ADGRD1: variants seen among roughly 807,000 people sequenced by gnomAD.
ADGRD1 encodes the protein G-protein coupled receptor 133.
Under a neutral mutation model 113.4 loss-of-function variants are expected in ADGRD1, and 77 were observed. The observed-to-expected ratio is 0.68, with a 90% CI of 0.57 to 0.82. The LOEUF (loss-of-function observed/expected upper bound fraction) is 0.82, where lower values mean the gene tolerates loss of function less well. Among genes scored for constraint, ADGRD1 ranks in the 40% least tolerant of loss-of-function variants. The pLI is 0.00. For synonymous variants in ADGRD1, 474 were observed against 475.0 expected, an observed-to-expected ratio of 1.00 and a Z score of 0.03; for missense variants, 1,036 against 1,139.1, an observed-to-expected ratio of 0.91 and a Z score of 1.30.
intron 20 of ADGRD1, among the ~76,000 whole-genome samples, chr12:131,125,910 A>G (rs1042088783): frequency 6.6e-6 from 1 of 152,218 alleles, no homozygotes; most frequent in Non-Finnish European, 1.5e-5. Flanking sequence ...ACTGGAAGTG[A>G]AAAACTAGTT....
At chr12:131,013,731 C>T (rs1878213061) in intron 12 of ADGRD1, among the ~76,000 whole-genome samples, 1 of 152,148 alleles carries the variant, frequency 6.6e-6, no homozygotes, top group Non-Finnish European at 1.5e-5. Context: ...CAGCAGATGG[C>T]CACTGCACCA....
At chr12:131,024,020 C>T (rs1053721090) in intron 13 of ADGRD1, 1 of 152,238 alleles carries the variant, frequency 6.6e-6, no homozygotes, top group African/African-American at 2.4e-5. Context: ...AAGATTCAAC[C>T]TGATGAGCTG....
intron 20 of ADGRD1, 23 bp downstream of exon 20, chr12:131,120,936 C>A: frequency 6.2e-7 from 1 of 1,609,240 alleles, no homozygotes; most frequent in Non-Finnish European, 8.5e-7. Context: ...CCCTTGTGGG[C>A]GCAGAGCGGG....
At chr12:131,132,185 T>C (rs890449408) in intron 21 of ADGRD1, among the ~76,000 whole-genome samples, 1 of 152,024 alleles carries the variant, frequency 6.6e-6, no homozygotes, top group Non-Finnish European at 1.5e-5. Flanking sequence ...GCTCAGCGAG[T>C]TTAGCCCCTC....
chr12:131,132,734 T>A (rs1362414970), intron 21 of ADGRD1, among the ~76,000 whole-genome samples: 1 of 152,114 alleles, frequency 6.6e-6, no homozygotes, highest in African/African-American at 2.4e-5. Flanking sequence ...TAGAGGGGGA[T>A]TCACTCATAT....
At chr12:131,046,775 T>G (rs1373223961) in intron 13 of ADGRD1, among the ~76,000 whole-genome samples, 1 of 130,744 alleles carries the variant, frequency 7.6e-6, no homozygotes. Flanking sequence ...GCTCCCTCCC[T>G]GGTCAGTGTC....
chr12:131,103,095 G>A (rs541789722), intron 15 of ADGRD1, among the ~76,000 whole-genome samples: 13 of 152,238 alleles, frequency 8.5e-5, no homozygotes, highest in East Asian at 1.9e-4. Context: ...CACAACGTCC[G>A]TGGAGAGGGA....
At chr12:131,091,709 A>G (rs1031119637) in intron 15 of ADGRD1, among the ~76,000 whole-genome samples, 2 of 147,094 alleles carry the variant, frequency 1.4e-5, no homozygotes, top group South Asian at 4.2e-4. Context: ...GGCCGGGGCG[A>G]GGAGGGGGCC....
chr12:131,032,339 G>C (rs1051558184), intron 13 of ADGRD1, among the ~76,000 whole-genome samples: 4 of 151,778 alleles, frequency 2.6e-5, no homozygotes, highest in African/African-American at 9.7e-5. Flanking sequence ...GATCCTCCAC[G>C]AGCACGAATC....
intron 13 of ADGRD1, among the ~76,000 whole-genome samples, chr12:131,020,303 G>C (rs1157309015): frequency 6.6e-6 from 1 of 151,448 alleles, no homozygotes; most frequent in African/African-American, 2.4e-5. Flanking sequence ...TCCAGGGCAG[G>C]GGGTGCTCGA....
chr12:131,011,972 A>G (rs1032678965), intron 12 of ADGRD1, among the ~76,000 whole-genome samples: 4 of 152,064 alleles, frequency 2.6e-5, no homozygotes, highest in Non-Finnish European at 5.9e-5. Context: ...GTCCCCCCCA[A>G]CTTTCTGCGG....
At chr12:131,072,715 T>G (rs1198367351) in intron 13 of ADGRD1, among the ~76,000 whole-genome samples, 1 of 152,230 alleles carries the variant, frequency 6.6e-6, no homozygotes, top group East Asian at 1.9e-4. Flanking sequence ...CTCATGGGCC[T>G]GGGAGGCCTG....
intron 2 of ADGRD1, among the ~76,000 whole-genome samples, chr12:130,959,529 C>T (rs980552109): frequency 6.6e-6 from 1 of 152,190 alleles, no homozygotes; most frequent in Non-Finnish European, 1.5e-5. Flanking sequence ...CGTGATCACA[C>T]CACTGCACTC....
At chr12:131,061,973 G>A (rs1884365367) in intron 13 of ADGRD1, among the ~76,000 whole-genome samples, 1 of 152,186 alleles carries the variant, frequency 6.6e-6, no homozygotes, top group African/African-American at 2.4e-5. Flanking sequence ...TCATTGCTTA[G>A]TGTGGTATTT....
chr12:131,055,636 T>TC (rs1404703605), intron 13 of ADGRD1, among the ~76,000 whole-genome samples: 1 of 152,214 alleles, frequency 6.6e-6, no homozygotes, highest in African/African-American at 2.4e-5. Context: ...GTTTGTGTGC[T>TC]CCAGGCCTGG....
intron 7 of ADGRD1, 120 bp from the exon 8 acceptor site, chr12:130,992,117 T>G: frequency 1.8e-6 from 1 of 558,690 alleles, no homozygotes; most frequent in South Asian, 2.1e-5. Context: ...CAAGACTCAG[T>G]CTCAAAAAAA....
At chr12:131,043,448 C>G (rs922515803) in intron 13 of ADGRD1, among the ~76,000 whole-genome samples, 2 of 152,238 alleles carry the variant, frequency 1.3e-5, no homozygotes, top group Non-Finnish European at 2.9e-5. Flanking sequence ...AGCAGCCACG[C>G]TCACTGCCCT....
At chr12:131,055,226 C>T (rs1053468409) in intron 13 of ADGRD1, among the ~76,000 whole-genome samples, 6 of 152,098 alleles carry the variant, frequency 3.9e-5, no homozygotes, top group Non-Finnish European at 2.9e-5. Context: ...AGTCTGTGCT[C>T]CCTACCATGT....
intron 21 of ADGRD1, among the ~76,000 whole-genome samples, chr12:131,133,782 A>T (rs73149930): frequency 4.3e-4 from 66 of 152,356 alleles, no homozygotes; most frequent in Non-Finnish European, 8.5e-4. Context: ...GAGGAAGCAC[A>T]GCCAGGGAGC....
Sources: allele counts gnomAD v4.1 joint callset (sites outside exome capture counted in the v4.1 genomes callset), GRCh38; gene constraint gnomAD v4.1.1; transcripts MANE v1.5; gene names NCBI Gene and HGNC (gene_info 2026-07-23, HGNC 2026-07-21).